Variants in SLC25A33 observed in about 807,000 individuals in gnomAD.
SLC25A33 encodes solute carrier family 25 member 33, also known as bone marrow stromal cell mitochondrial carrier protein.
Under a neutral mutation model 35.5 loss-of-function variants are expected in SLC25A33, and 15 were observed. The ratio of observed to expected loss-of-function variants is 0.42; its 90% CI spans 0.28 to 0.65. The LOEUF (loss-of-function observed/expected upper bound fraction) is 0.65, where lower values mean the gene tolerates loss of function less well. Among genes scored for constraint, SLC25A33 ranks in the 30% least tolerant of loss-of-function variants. The pLI, the probability that SLC25A33 is intolerant of heterozygous loss-of-function variation, is 0.20. For missense variants in SLC25A33, 257 were observed against 398.5 expected (o/e 0.64, Z 3.02); for synonymous variants, 136 against 148.7 (o/e 0.91, Z 0.62).
At position 9,571,541 on chromosome 1, in the gene SLC25A33, T is replaced by C. The variant is rs541566615; in HGVS notation, c.415+1183T>C. On this transcript the variant is annotated intron_variant, in intron 4 of 6. Coordinates refer to ENST00000302692, the MANE Select transcript of SLC25A33 (RefSeq NM_032315.3). ...ATCTGCCTGCCTCGGCCTCCCAAAG[T>C]GTTGGGATTACAGGCGTGAGCCACC... Among the ~76,000 whole-genome samples, 4 of 152,232 alleles carry C rather than the reference T, an allele frequency of 2.6e-5. No homozygotes were observed. In the East Asian group the frequency reaches 7.7e-4, roughly 29 times the overall value.
At position 9,583,377 on chromosome 1, in the gene SLC25A33, T is replaced by G. The variant is rs1433996485; in HGVS notation, c.*876T>G. The stretch of plus-strand genomic sequence containing the variant: ...ATATATAACTTTCTGAGACTCAATA[T>G]TTTAAGCTATAAAAAACTTCCTGAA... On this transcript the variant is annotated 3_prime_UTR_variant, in exon 7 of 7. Coordinates refer to ENST00000302692, the MANE Select transcript of SLC25A33 (RefSeq NM_032315.3). The G allele has an allele frequency of 6.6e-6, 1 of 152,218 alleles. No homozygotes were observed. Among genetic ancestry groups the G allele is most frequent in the African/African-American group, 2.4e-5 (1 of 41,446 alleles). The allele number at this position is 152,218 out of a possible 1,614,324, so 9.4% of individuals were successfully genotyped here.
chr1:9,583,979 AGT>A lies in SLC25A33; in HGVS notation c.*1480_*1481del. On this transcript the variant is annotated 3_prime_UTR_variant, in exon 7 of 7. Coordinates refer to ENST00000302692, the MANE Select transcript of SLC25A33 (RefSeq NM_032315.3). The stretch of plus-strand genomic sequence containing the variant: ...CACTGCACTCCAGCCTGGGCCACAG[AGT>A]GCGACTCCATCTCAAAAAAAAAAAA... 1 of 148,716 alleles carries A rather than the reference AGT, an allele frequency of 6.7e-6. No homozygotes were observed. The highest frequency in any genetic ancestry group is 1.5e-5 in the Non-Finnish European group (1 of 67,334). The allele number at this position is 148,716 out of a possible 1,614,324, so 9.2% of individuals were successfully genotyped here. A position where few individuals can be genotyped will look rare whatever the true frequency, so the allele number is the denominator to read the frequency against.
At chr1:9,540,620 G>A (rs1301899136) in intron 1 of SLC25A33, among the ~76,000 whole-genome samples, 1 of 151,870 alleles carries the variant, frequency 6.6e-6, no homozygotes, top group Non-Finnish European at 1.5e-5. Context: ...GGGTCCTTTC[G>A]GAGTCTTACA....
At chr1:9,542,994 T>G (rs2100365347) in intron 1 of SLC25A33, among the ~76,000 whole-genome samples, 1 of 151,940 alleles carries the variant, frequency 6.6e-6, no homozygotes. Context: ...ATTTTTGTAT[T>G]TTTAGTAGAG....
chr1:9,547,444 CAAAAG>C (rs1324271180), intron 1 of SLC25A33, among the ~76,000 whole-genome samples: 2 of 145,420 alleles, frequency 1.4e-5, no homozygotes, highest in Non-Finnish European at 3.0e-5. Flanking sequence ...AACTCTGTCT[CAAAAG>C]AGAAAAAAAA....
intron 3 of SLC25A33, among the ~76,000 whole-genome samples, 174 bp from the exon 4 acceptor site, chr1:9,570,083 AG>A (rs1643566991): frequency 1.3e-5 from 2 of 152,196 alleles, no homozygotes; most frequent in South Asian, 4.1e-4. Flanking sequence ...GACACACAGG[AG>A]CTTCCTGAAC....
intron 2 of SLC25A33, among the ~76,000 whole-genome samples, chr1:9,563,472 T>C (rs1004158819): frequency 6.6e-6 from 1 of 152,136 alleles, no homozygotes; most frequent in African/African-American, 2.4e-5. Flanking sequence ...GAGCTGGAAA[T>C]AGATGAAACT....
intron 1 of SLC25A33, among the ~76,000 whole-genome samples, chr1:9,548,437 C>T (rs2100372630): frequency 6.6e-6 from 1 of 152,166 alleles, no homozygotes; most frequent in Non-Finnish European, 1.5e-5. Flanking sequence ...CAAAAATTAT[C>T]TAGGTAGGGT....
chr1:9,546,333 C>T (rs978423359), intron 1 of SLC25A33, among the ~76,000 whole-genome samples: 29 of 151,696 alleles, frequency 1.9e-4, no homozygotes, highest in African/African-American at 6.8e-4. Flanking sequence ...TATAGGCACC[C>T]GCCACCACAC....
At position 9,555,275 on chromosome 1, in the gene SLC25A33, A is replaced by G. The variant is rs149955028; in HGVS notation, c.236+1470A>G. 7.6e-3 allele frequency among the ~76,000 whole-genome samples: 1,153 copies of G among 151,642 alleles called. 7 individuals carry two copies. The highest frequency in any genetic ancestry group is 0.011 in the Non-Finnish European group (764 of 67,852). On this transcript the variant is annotated intron_variant, in intron 2 of 6. Coordinates refer to ENST00000302692, the MANE Select transcript of SLC25A33 (RefSeq NM_032315.3). The stretch of plus-strand genomic sequence containing the variant: ...TGGGACTGCAGGTGCCCGCCATCAC[A>G]CCCAGCTAATTTTTTTGTATTTTTA...
chr1:9,551,846 G>C (rs1208333083), intron 1 of SLC25A33, among the ~76,000 whole-genome samples: 1 of 152,188 alleles, frequency 6.6e-6, no homozygotes, highest in Non-Finnish European at 1.5e-5. Context: ...TCTGAATCTT[G>C]AGGAACTCAT....
At chr1:9,571,795 T>C (rs1377208348) in intron 4 of SLC25A33, among the ~76,000 whole-genome samples, 9 of 152,122 alleles carry the variant, frequency 5.9e-5, no homozygotes, top group African/African-American at 2.2e-4. Context: ...CATGCCACCA[T>C]GCCCAGCTAA....
In SLC25A33 at chr1:9,582,348, T is replaced by C. The variant is rs1643757724; in HGVS notation, c.813T>C (p.Phe271=). ...AAGAGGGCACCAAGTACAAGTCTTT[T>C]GTCCAGACGGCGCGCCTGGTGTTCC... is the stretch of plus-strand genomic sequence containing the variant. ...LREEGTKYKS[F]VQTARLVFRE... The change falls in exon 7 of 7, where the codon TTT becomes TTC. Residue 271 remains phenylalanine (F), a synonymous_variant. Coordinates refer to ENST00000302692, the MANE Select transcript of SLC25A33 (RefSeq NM_032315.3). This position sits in a 1 kb window ranked among gnomAD's most constrained non-coding sequence, Gnocchi z 4.0. The C allele has an allele frequency of 6.2e-7, 1 of 1,614,026 alleles. No individual in the cohort carries two copies. The highest frequency in any genetic ancestry group is 8.5e-7 in the Non-Finnish European group (1 of 1,179,878).
intron 2 of SLC25A33, among the ~76,000 whole-genome samples, chr1:9,563,170 C>T (rs904599476): frequency 2.0e-5 from 3 of 152,036 alleles, no homozygotes; most frequent in South Asian, 2.1e-4. Flanking sequence ...GTGATCCGCC[C>T]GCCTCGGCCT....
Position 9,580,159 on chromosome 1 carries a change from T to C in SLC25A33, c.688T>C (p.Ser230Pro), listed in dbSNP as rs1396702201. 6.2e-7 allele frequency: 1 copy of C among 1,609,224 alleles called. No individual in the cohort carries two copies. Among genetic ancestry groups the C allele is most frequent in the South Asian group, 1.1e-5 (1 of 90,204 alleles). ...TTCTGCAAATGGGACTGAGAAAAAT[T>C]CCACAAGTTTTTTTGGACTTATGGC... ...ASSANGTEKN[S>P]TSFFGLMAAA... Residue 230 changes from serine to proline, a missense_variant, in exon 6 of 7, where the codon TCC (serine) becomes CCC (proline). Transcript: ENST00000302692.
chr1:9,563,139 C>T (rs938896479), intron 2 of SLC25A33, among the ~76,000 whole-genome samples: 2 of 151,768 alleles, frequency 1.3e-5, no homozygotes, highest in African/African-American at 2.4e-5. Flanking sequence ...TTAGCCAGGA[C>T]GGTCTCGATC....
chr1:9,544,698 G>A (rs2100367418), intron 1 of SLC25A33, among the ~76,000 whole-genome samples: 1 of 152,318 alleles, frequency 6.6e-6, no homozygotes, highest in East Asian at 1.9e-4. Flanking sequence ...GATTAGGATT[G>A]CAGGATGTCT....
chr1:9,549,976 G>A (rs191127519), intron 1 of SLC25A33, among the ~76,000 whole-genome samples: 3 of 104,108 alleles, frequency 2.9e-5, no homozygotes, highest in African/African-American at 3.8e-5. Context: ...TTCTATATAT[G>A]TATATATATT....
chr1:9,582,353 A>G lies in SLC25A33; in HGVS notation c.818A>G (p.Gln273Arg), dbSNP rs1643757843. The change falls in exon 7 of 7, where the codon CAG becomes CGG. Residue 273 changes from glutamine (Q) to arginine (R), a missense_variant. Coordinates refer to ENST00000302692, the MANE Select transcript of SLC25A33 (RefSeq NM_032315.3). The surrounding 1 kb of genome is among the most constrained non-coding windows in gnomAD (Gnocchi z 4.0). ...EEGTKYKSFV[Q>R]TARLVFREEG... ...GGCACCAAGTACAAGTCTTTTGTCC[A>G]GACGGCGCGCCTGGTGTTCCGGGAA... 3.7e-6 allele frequency: 6 copies of G among 1,613,904 alleles called. No homozygotes were observed. The highest frequency in any genetic ancestry group is 4.2e-6 in the Non-Finnish European group (5 of 1,179,882).
Sources: gnomAD v4.1 joint callset for allele counts (sites outside exome capture counted in the v4.1 genomes callset) on GRCh38, gnomAD v4.1.1 for gene constraint, Gnocchi (gnomAD v3.1) non-coding constraint, MANE v1.5 for transcripts, NCBI Gene and HGNC (gene_info 2026-07-23, HGNC 2026-07-21) for gene names.